The following HNRNPR variants were observed in gnomAD, a reference collection of about 807,000 sequenced individuals.
The protein encoded by HNRNPR is heterogeneous nuclear ribonucleoprotein R.
Under a neutral mutation model 70.3 loss-of-function variants are expected in HNRNPR, and 4 were observed. The ratio of observed to expected loss-of-function variants is 0.06; its 90% confidence interval spans 0.03 to 0.13. The LOEUF is 0.13. Among genes scored for constraint, HNRNPR ranks in the 10% least tolerant of loss-of-function variants. The pLI is 1.00. For synonymous variants in HNRNPR, 241 were observed against 267.6 expected (o/e 0.90, Z 0.97); for missense variants, 423 against 788.5 (o/e 0.54, Z 5.55).
intron 4 of HNRNPR, among the ~76,000 whole-genome samples, chr1:23,334,234 C>CTTTTTT (rs35129252): frequency 9.5e-6 from 1 of 105,204 alleles, no homozygotes; most frequent in Non-Finnish European, 1.8e-5. Context: ...TTCTAGTGTA[C>CTTTTTT]TTTTTTTTTT....
At chr1:23,331,860 AAAG>A (rs1261521161) in intron 5 of HNRNPR, among the ~76,000 whole-genome samples, 28 of 146,632 alleles carry the variant, frequency 1.9e-4, no homozygotes, top group Non-Finnish European at 3.7e-4. Context: ...AAAAAAAAAA[AAAG>A]GTCCCTGGTG....
At chr1:23,335,153 C>T (rs1011392547) in intron 4 of HNRNPR, among the ~76,000 whole-genome samples, 7 of 152,162 alleles carry the variant, frequency 4.6e-5, no homozygotes, top group Non-Finnish European at 7.4e-5. Context: ...CTCCTGACCT[C>T]GTGATCCACC....
rs1267301169 is a variant in HNRNPR, at chr1:23,309,359, T to C, written c.*1095A>G. 1 of 152,176 alleles carries C rather than the reference T, an allele frequency of 6.6e-6. No homozygotes were observed. The highest frequency in any genetic ancestry group is 1.9e-4 in the East Asian group (1 of 5,198). The allele number at this position is 152,176 out of a possible 1,614,324, so 9.4% of individuals were successfully genotyped here. On this transcript the variant is annotated 3_prime_UTR_variant, in exon 11 of 11. Coordinates refer to ENST00000302271, the MANE Select transcript of HNRNPR (RefSeq NM_005826.5). The stretch of plus-strand genomic sequence containing the variant: ...GCCACAGTACTAACAATTTTCCCTG[T>C]ATGTACATTCACTTATCCAGCAAAT...
At chr1:23,313,327 C>T (rs1481182647) in intron 9 of HNRNPR, among the ~76,000 whole-genome samples, 2 of 152,072 alleles carry the variant, frequency 1.3e-5, no homozygotes, top group Non-Finnish European at 2.9e-5. Context: ...CAAAACAATA[C>T]AGAGATTAAA....
At chr1:23,312,618 C>T (rs1180200734) in intron 9 of HNRNPR, among the ~76,000 whole-genome samples, 1 of 152,124 alleles carries the variant, frequency 6.6e-6, no homozygotes, top group East Asian at 1.9e-4. Context: ...AACAATACTG[C>T]CTCATTAATT....
At chr1:23,324,153 T>C (rs1256783373) in intron 5 of HNRNPR, among the ~76,000 whole-genome samples, 1 of 150,240 alleles carries the variant, frequency 6.7e-6, no homozygotes, top group Non-Finnish European at 1.5e-5. Flanking sequence ...TTTCTATTAT[T>C]TAAAATTAAA....
rs1569868700 is a variant in HNRNPR at position 23,310,204 on chromosome 1, G to C, written c.*250C>G. On this transcript the variant is annotated 3_prime_UTR_variant, in exon 11 of 11. Coordinates refer to ENST00000302271, the MANE Select transcript of HNRNPR (RefSeq NM_005826.5). This position sits in a 1 kb window ranked among gnomAD's most constrained non-coding sequence, Gnocchi z 6.0. The stretch of plus-strand genomic sequence containing the variant: ...TTGTTTTGAAGCTAAAATGAAGCCT[G>C]AAACGATAAAAGCATTGTAATCCCC... 3.0e-6 allele frequency: 1 copy of C among 338,052 alleles called. No homozygotes were observed. Among genetic ancestry groups the C allele is most frequent in the East Asian group, 5.5e-5 (1 of 18,176 alleles). 20.9% of individuals were successfully genotyped at this position (338,052 alleles called of 1,614,324 possible).
At chr1:23,334,815 A>G (rs1003772214) in intron 4 of HNRNPR, among the ~76,000 whole-genome samples, 4 of 152,250 alleles carry the variant, frequency 2.6e-5, no homozygotes, top group African/African-American at 9.6e-5. Flanking sequence ...AATTTATGTT[A>G]TAATTGAGGC....
At position 23,338,592 on chromosome 1, in the gene HNRNPR, G is replaced by T; in HGVS notation, c.174C>A (p.Val58=). ...CATCAATTGCTCTTTCATCAAGATCGACATAAGCTACCAATCCTAAAAATT... is the reference window on the plus strand; with the variant it reads ...CATCAATTGCTCTTTCATCAAGATCTACATAAGCTACCAATCCTAAAAATT... ...EIFQTGLVAY[V]DLDERAIDAL... Residue 58 remains valine (V), a synonymous_variant, in exon 3 of 11, where the codon GTC becomes GTA. Transcript: ENST00000302271. 6.3e-7 allele frequency: 1 copy of T among 1,580,170 alleles called. No homozygotes were observed. The highest frequency in any genetic ancestry group is 1.1e-5 in the South Asian group (1 of 87,076).
rs1465061767 is a variant in HNRNPR, at chr1:23,306,692, A to G, written c.*3762T>C. ...TTATTTAAAGAAAAAAAACTTTTCTAGAAGGATTAACAATAATTAACTTCA... is the reference window on the plus strand; with the variant it reads ...TTATTTAAAGAAAAAAAACTTTTCTGGAAGGATTAACAATAATTAACTTCA... On this transcript the variant is annotated 3_prime_UTR_variant, in exon 11 of 11. Coordinates refer to ENST00000302271, the MANE Select transcript of HNRNPR (RefSeq NM_005826.5). 6.6e-6 allele frequency: 1 copy of G among 152,198 alleles called. No homozygotes were observed. Among genetic ancestry groups the G allele is most frequent in the Non-Finnish European group, 1.5e-5 (1 of 68,030 alleles). 9.4% of individuals were successfully genotyped at this position (152,198 alleles called of 1,614,324 possible).
intron 1 of HNRNPR, among the ~76,000 whole-genome samples, chr1:23,343,855 G>C (rs1646802464): frequency 6.6e-6 from 1 of 152,184 alleles, no homozygotes; most frequent in African/African-American, 2.4e-5. Flanking sequence ...GCTCCGGCGG[G>C]GAGAAGCGGC....
At chr1:23,316,464 G>C (rs1645550957) in intron 8 of HNRNPR, among the ~76,000 whole-genome samples, 1 of 152,162 alleles carries the variant, frequency 6.6e-6, no homozygotes, top group Admixed American at 6.5e-5. Context: ...AGATTAGGAT[G>C]AACTTCCATC....
chr1:23,314,662 G>T (rs1213043101), intron 8 of HNRNPR, among the ~76,000 whole-genome samples: 1 of 152,162 alleles, frequency 6.6e-6, no homozygotes, highest in Admixed American at 6.5e-5. Flanking sequence ...TTGTTATCAG[G>T]CTGGCAAAAT....
At position 23,310,932 on chromosome 1, in the gene HNRNPR, T is replaced by C. The variant is rs763561835; in HGVS notation, c.1424A>G (p.Tyr475Cys). The C allele has an allele frequency of 1.4e-5, 22 of 1,613,904 alleles. No homozygotes were observed. Among genetic ancestry groups the C allele is most frequent in the African/African-American group, 2.7e-5 (2 of 74,862 alleles). ...YGYEDYYDDY[Y>C]GYDYHDYRGG... ...ACGATAGTCGTGATAATCATAACCA[T>C]AGTAATCATCATAGTAATCTTCATA... Residue 475 changes from tyrosine to cysteine, a missense_variant, in exon 11 of 11, where the codon TAT becomes TGT. Around this residue, in one of 7 missense-constraint regions of HNRNPR, gnomAD observed 169 missense variants for 195.6 expected, o/e 0.86. Transcript: ENST00000302271. The surrounding 1 kb of genome is among the most constrained non-coding windows in gnomAD (Gnocchi z 6.0).
intron 5 of HNRNPR, among the ~76,000 whole-genome samples, chr1:23,332,628 A>C (rs1162915026): frequency 1.4e-5 from 2 of 145,146 alleles, no homozygotes; most frequent in Non-Finnish European, 3.0e-5. Context: ...TGAACTTAGG[A>C]GGTGGAGGTT....
At chr1:23,332,264 A>G (rs1192660762) in intron 5 of HNRNPR, among the ~76,000 whole-genome samples, 1 of 152,092 alleles carries the variant, frequency 6.6e-6, no homozygotes, top group African/African-American at 2.4e-5. Context: ...GGACTAACAT[A>G]CTCAATCTTT....
At chr1:23,332,940 T>C (rs898404444) in intron 5 of HNRNPR, among the ~76,000 whole-genome samples, 7 of 152,204 alleles carry the variant, frequency 4.6e-5, no homozygotes, top group East Asian at 1.9e-4. Flanking sequence ...TCCCAGCACT[T>C]TGGGAGACCA....
chr1:23,314,877 A>G (rs921574401), intron 8 of HNRNPR, among the ~76,000 whole-genome samples: 1 of 152,228 alleles, frequency 6.6e-6, no homozygotes, highest in Non-Finnish European at 1.5e-5. Context: ...ATCAACTAAC[A>G]TAAGCTTATT....
chr1:23,333,412 C>T (rs1646325228), intron 5 of HNRNPR, 106 bp downstream of exon 5: 2 of 644,118 alleles, frequency 3.1e-6, no homozygotes, highest in Non-Finnish European at 5.6e-6. Flanking sequence ...AACAGCTACA[C>T]TTTGAAAGGG....
Sources: allele counts gnomAD v4.1 joint callset (sites outside exome capture counted in the v4.1 genomes callset), GRCh38; gene constraint gnomAD v4.1.1; regional missense constraint gnomAD v4.1.1; non-coding constraint Gnocchi (gnomAD v3.1); transcripts MANE v1.5; gene names NCBI Gene and HGNC (gene_info 2026-07-23, HGNC 2026-07-21).